PEAK1: variants seen among roughly 807,000 people sequenced by gnomAD.
PEAK1 encodes the protein pseudopodium enriched atypical kinase 1.
PEAK1 carries 54 observed loss-of-function variants against 124.7 expected under a neutral mutation model. That is an observed-to-expected ratio of 0.43 (90% CI 0.35 to 0.54). PEAK1 has a LOEUF of 0.54. Ranked by LOEUF, PEAK1 falls within the 20% of genes least tolerant of loss-of-function variation. PEAK1 has a pLI of 0.01. For synonymous variants in PEAK1, 719 were observed against 760.0 expected (o/e 0.95, Z 0.89); for missense variants, 2,046 against 2,134.5 (o/e 0.96, Z 0.82).
At chr15:77,182,869 T>C (rs1027156180) in intron 6 of PEAK1, among the ~76,000 whole-genome samples, 2 of 152,030 alleles carry the variant, frequency 1.3e-5, no homozygotes, top group African/African-American at 2.4e-5. Context: ...CTGAAGGGTC[T>C]TGAATAGGGG....
intron 2 of PEAK1, chr15:77,334,929 A>T: frequency 1.0e-6 from 1 of 985,412 alleles, no homozygotes; most frequent in African/African-American, 1.7e-5. Context: ...AGGTTTAATG[A>T]CTAAACCTTT....
At chr15:77,196,711 A>C (rs1245108258) in intron 6 of PEAK1, among the ~76,000 whole-genome samples, 1 of 152,236 alleles carries the variant, frequency 6.6e-6, no homozygotes, top group African/African-American at 2.4e-5. Context: ...TCAACTTGGA[A>C]GGAAACATCA....
intron 8 of PEAK1, among the ~76,000 whole-genome samples, chr15:77,140,253 C>T (rs1021178498): frequency 6.6e-6 from 1 of 151,904 alleles, no homozygotes; most frequent in South Asian, 2.1e-4. Context: ...TTCAATGGAG[C>T]CAATATTACC....
In PEAK1 at chr15:77,158,655, T is replaced by G. The variant is rs748162545; in HGVS notation, c.3179A>C (p.Asp1060Ala). The G allele has an allele frequency of 6.2e-7, 1 of 1,613,960 alleles. No homozygotes were observed. The highest frequency in any genetic ancestry group is 8.5e-7 in the Non-Finnish European group (1 of 1,179,972). Residue 1060 changes from aspartate to alanine, a missense_variant, in exon 8 of 10, where the codon GAT becomes GCT. Physicochemically the swap from Asp to Ala is moderately radical, Grantham distance 126. Coordinates refer to ENST00000682557, the MANE Select transcript of PEAK1 (RefSeq NM_001385026.1). ...TTGCTTCCCAACAACAGTTCTTGGA[T>G]CCCGAGGAGAAAAATCCTCTGTTAC... ...HEVTEDFSPR[D>A]PRTVVGKQDG...
intron 9 of PEAK1, among the ~76,000 whole-genome samples, chr15:77,123,336 A>G (rs1043938252): frequency 2.0e-5 from 3 of 152,218 alleles, no homozygotes; most frequent in East Asian, 1.9e-4. Flanking sequence ...TGAAAAAACA[A>G]TATCTCAGTG....
intron 6 of PEAK1, among the ~76,000 whole-genome samples, chr15:77,201,288 A>T (rs2058352175): frequency 8.2e-6 from 1 of 121,680 alleles, no homozygotes; most frequent in Non-Finnish European, 1.6e-5. Context: ...CCCAGGCTGG[A>T]GTGCAGTGTT....
chr15:77,333,334 C>T, intron 2 of PEAK1: 1 of 982,582 alleles, frequency 1.0e-6, no homozygotes. Context: ...TTTAGAAGAG[C>T]ACTTCTATAT....
intron 2 of PEAK1, chr15:77,336,947 A>T: frequency 4.0e-6 from 1 of 247,870 alleles, no homozygotes; most frequent in Non-Finnish European, 6.4e-6. Context: ...TGTGAAAATT[A>T]ATAACCTATA....
rs565425365 is a variant in PEAK1 at position 77,352,313 on chromosome 15, C to T, written c.-603+12850G>A. On this transcript the variant is annotated intron_variant, in intron 2 of 9. Transcript: ENST00000682557. Reference sequence around the variant, plus strand: ...AAGTGAGCAGTGCAGAGGGCCAAATCGAAGTGCCTTACTCGATCTATCTCC... The same window carrying T: ...AAGTGAGCAGTGCAGAGGGCCAAATTGAAGTGCCTTACTCGATCTATCTCC... 30 of 985,308 alleles carry T rather than the reference C, an allele frequency of 3.0e-5. No homozygotes were observed. The East Asian group carries it at 6.8e-4, about 22-fold the overall frequency. The allele number at this position is 985,308 out of a possible 1,614,324, so 61.0% of individuals were successfully genotyped here. A position where few individuals can be genotyped will look rare whatever the true frequency, so the allele number is the denominator to read the frequency against.
rs185481985 is a variant in PEAK1, at chr15:77,275,272, T to C, written c.-275+8611A>G. ...TCATAAATCACCACTAAAGAACTTATTCATGTAACCAAACACCACCTGTTC... is the reference window on the plus strand; with the variant it reads ...TCATAAATCACCACTAAAGAACTTACTCATGTAACCAAACACCACCTGTTC... On this transcript the variant is annotated intron_variant, in intron 5 of 9. Transcript: ENST00000682557. Among the ~76,000 whole-genome samples the C allele has an allele frequency of 4.2e-3, 636 of 152,296 alleles. 5 individuals are homozygous for C. The highest frequency in any genetic ancestry group is 0.014 in the African/African-American group (596 of 41,568).
At chr15:77,401,544 T>A in intron 1 of PEAK1, 1 of 976,454 alleles carries the variant, frequency 1.0e-6, no homozygotes, top group African/African-American at 1.7e-5. Context: ...ATTTCTTTTG[T>A]TTCTTAAAAA....
At chr15:77,332,477 G>A (rs1231533646) in intron 2 of PEAK1, 1 of 159,038 alleles carries the variant, frequency 6.3e-6, no homozygotes, top group Non-Finnish European at 1.3e-5. Flanking sequence ...GCGGGTGCCT[G>A]TAGTCCCAGC....
chr15:77,252,253 C>G (rs1393444118), intron 6 of PEAK1, 114 bp downstream of exon 6: 4 of 568,584 alleles, frequency 7.0e-6, no homozygotes, highest in Non-Finnish European at 8.9e-6. Context: ...ATAAAATGTT[C>G]AGCTTTATCT....
At chr15:77,377,377 C>G (rs1356153319) in intron 1 of PEAK1, among the ~76,000 whole-genome samples, 2 of 151,882 alleles carry the variant, frequency 1.3e-5, no homozygotes, top group African/African-American at 2.4e-5. Context: ...GAGTGAGACT[C>G]TGTCTCAAAA....
At chr15:77,160,696 C>A (rs1001079760) in intron 7 of PEAK1, among the ~76,000 whole-genome samples, 1 of 151,878 alleles carries the variant, frequency 6.6e-6, no homozygotes, top group African/African-American at 2.4e-5. Flanking sequence ...AGCCCCCACA[C>A]TTGAAAGAAA....
At chr15:77,186,328 G>T (rs140101367) in intron 6 of PEAK1, among the ~76,000 whole-genome samples, 41 of 152,168 alleles carry the variant, frequency 2.7e-4, no homozygotes, top group Non-Finnish European at 5.1e-4. Flanking sequence ...CTTTTTCAAA[G>T]ACTAGTAGAT....
At chr15:77,337,925 TG>T in intron 2 of PEAK1, 1 of 984,614 alleles carries the variant, frequency 1.0e-6, no homozygotes, top group Non-Finnish European at 1.2e-6. Flanking sequence ...GTCAATAATT[TG>T]GGGGTGCTGA....
rs150215894 is a variant in PEAK1, at chr15:77,223,069, A to C, written c.-115+29298T>G. Among the ~76,000 whole-genome samples, 402 of 152,130 alleles carry C rather than the reference A, an allele frequency of 2.6e-3. 1 individual carries two copies. Among genetic ancestry groups the C allele is most frequent in the African/African-American group, 9.4e-3 (389 of 41,542 alleles). ...GTATATGAAAATTTGAGAAGCAATAATTTTAATTATAATTAAGTCACTAGT... is the reference window on the plus strand; with the variant it reads ...GTATATGAAAATTTGAGAAGCAATACTTTTAATTATAATTAAGTCACTAGT... On this transcript the variant is annotated intron_variant, in intron 6 of 9. Coordinates refer to ENST00000682557, the MANE Select transcript of PEAK1 (RefSeq NM_001385026.1).
intron 7 of PEAK1, among the ~76,000 whole-genome samples, chr15:77,175,545 A>G (rs1405261661): frequency 1.3e-4 from 20 of 152,110 alleles, no homozygotes; most frequent in Middle Eastern, 3.4e-3. Flanking sequence ...AATCAAAACC[A>G]CAATGAGATA....
Sources: allele counts gnomAD v4.1 joint callset (sites outside exome capture counted in the v4.1 genomes callset), GRCh38; gene constraint gnomAD v4.1.1; transcripts MANE v1.5; gene names NCBI Gene and HGNC (gene_info 2026-07-23, HGNC 2026-07-21).